The following MROH2B variants were observed in gnomAD, a reference collection of about 807,000 sequenced individuals.
MROH2B encodes the protein maestro heat like repeat family member 2B.
MROH2B carries 177 observed loss-of-function variants against 208.6 expected under a neutral mutation model. The ratio of observed to expected loss-of-function variants is 0.85; its 90% CI spans 0.75 to 0.96. The LOEUF is 0.96. Among genes scored for constraint, MROH2B ranks in the 40% least tolerant of loss-of-function variants. The probability of loss-of-function intolerance (pLI) is 0.00; values close to 1 mark genes in which losing one functional copy is unlikely to be tolerated. For synonymous variants in MROH2B, 728 were observed against 659.0 expected (o/e 1.10, Z -1.60); for missense variants, 2,002 against 1,878.7 (o/e 1.07, Z -1.21).
chr5:41,046,231 T>TAAAA (rs1196017786), intron 17 of MROH2B, among the ~76,000 whole-genome samples: 1 of 141,124 alleles, frequency 7.1e-6, no homozygotes, highest in African/African-American at 2.6e-5. Flanking sequence ...GATTACATAC[T>TAAAA]AAAAAAAAAA....
In MROH2B at chr5:41,057,063, C is replaced by T. The variant is rs764118718; in HGVS notation, c.919+46G>A. The T allele has an allele frequency of 2.2e-5, 35 of 1,582,456 alleles. No individual in the cohort carries two copies. The South Asian group carries it at 3.6e-4, about 16-fold the overall frequency. Reference sequence around the variant, plus strand: ...CTCCTTTTACCATTGTCATCATCATCACTTGGGGACATTTTTATTAAAAGC... The same window carrying T: ...CTCCTTTTACCATTGTCATCATCATTACTTGGGGACATTTTTATTAAAAGC... On this transcript the variant is annotated intron_variant, in intron 9 of 41. Coordinates refer to ENST00000399564, the MANE Select transcript of MROH2B (RefSeq NM_173489.5).
In MROH2B at chr5:41,040,878, A is replaced by T. The variant is rs1579940262; in HGVS notation, c.1953+1214T>A. ...GATGGGGTTTCACTATGTTAGCCAGACTGGTCTCGAACTCCTGACCTCGTG... is the reference window on the plus strand; with the variant it reads ...GATGGGGTTTCACTATGTTAGCCAGTCTGGTCTCGAACTCCTGACCTCGTG... On this transcript the variant is annotated intron_variant, in intron 19 of 41. Transcript: ENST00000399564. 3.3e-5 allele frequency among the ~76,000 whole-genome samples: 5 copies of T among 152,028 alleles called. 1 individual carries two copies. Among genetic ancestry groups the T allele is most frequent in the Admixed American group, 2.6e-4 (4 of 15,264 alleles).
Position 41,071,301 on chromosome 5 carries a change from C to G in MROH2B, c.-449G>C, listed in dbSNP as rs1400840985. On this transcript the variant is annotated 5_prime_UTR_variant, in exon 1 of 42. Transcript: ENST00000399564. ...ATGTTGGGAAAGGCTTTATGGTGAA[C>G]TCGTTGATTGTTACACTTAGTGAAA... 3.5e-5 allele frequency: 6 copies of G among 170,536 alleles called. No individual in the cohort carries two copies. The South Asian group carries it at 9.9e-4, about 28-fold the overall frequency. The allele number at this position is 170,536 out of a possible 1,614,324, so 10.6% of individuals were successfully genotyped here.
chr5:41,029,759 A>G (rs1742501479), intron 24 of MROH2B, among the ~76,000 whole-genome samples: 1 of 152,106 alleles, frequency 6.6e-6, no homozygotes, highest in Admixed American at 6.6e-5. Flanking sequence ...AAATAGACAA[A>G]TGGACTACTT....
In MROH2B at chr5:40,999,697, C is replaced by A. The variant is rs200489389; in HGVS notation, c.4565G>T (p.Ser1522Ile). ...FFTSTWEVIR[S>I]AAVKLTDAVV... Reference sequence around the variant, plus strand: ...CTCACCTGTGAGTTTGACAGCTGCACTCCTGATCACCTCCCAGGTGCTGGT... The same window carrying A: ...CTCACCTGTGAGTTTGACAGCTGCAATCCTGATCACCTCCCAGGTGCTGGT... Residue 1522 changes from serine to isoleucine, a missense_variant, in exon 40 of 42, where the codon AGT (serine) becomes ATT (isoleucine). Transcript: ENST00000399564. 6.2e-7 allele frequency: 1 copy of A among 1,613,158 alleles called. No individual in the cohort carries two copies. Among genetic ancestry groups the A allele is most frequent in the South Asian group, 1.1e-5 (1 of 90,948 alleles).
rs865966152 is a variant in MROH2B at position 41,017,949 on chromosome 5, C to A, written c.2785G>T (p.Gly929Cys). The A allele has an allele frequency of 1.9e-6, 3 of 1,577,676 alleles. No individual in the cohort carries two copies. Among genetic ancestry groups the A allele is most frequent in the East Asian group, 2.3e-5 (1 of 43,592 alleles). ...GGAGCCAGAAGTCCAAGCAGTGAACCAATTTTAAAGTTCTCTGGTGCCTGC... is the reference window on the plus strand; with the variant it reads ...GGAGCCAGAAGTCCAAGCAGTGAACAAATTTTAAAGTTCTCTGGTGCCTGC... ...DIEAPENFKI[G>C]SLLGLLAPHS... Residue 929 changes from glycine to cysteine, a missense_variant, in exon 28 of 42, where the codon GGT (glycine) becomes TGT (cysteine). By Grantham distance (159) the Gly-to-Cys change is radical. Transcript: ENST00000399564.
chr5:41,029,694 G>T lies in MROH2B; in HGVS notation c.2441+3048C>A, dbSNP rs546284918. ...CTCTAAGAAGAAAATACAGGGAAAAGCTTGAAGATCTTGAATTTGACAGTG... is the reference window on the plus strand; with the variant it reads ...CTCTAAGAAGAAAATACAGGGAAAATCTTGAAGATCTTGAATTTGACAGTG... On this transcript the variant is annotated intron_variant, in intron 24 of 41. Transcript: ENST00000399564. Among the ~76,000 whole-genome samples, 10 of 152,228 alleles carry T rather than the reference G, an allele frequency of 6.6e-5. No homozygotes were observed. The East Asian group carries it at 1.9e-3, about 29-fold the overall frequency.
intron 34 of MROH2B, 93 bp downstream of exon 34, chr5:41,007,221 T>C (rs141617396): frequency 1.6e-6 from 2 of 1,228,520 alleles, no homozygotes; most frequent in East Asian, 6.0e-5. Context: ...GTGAATCAAT[T>C]ATGCTCAGTG....
intron 26 of MROH2B, 59 bp downstream of exon 26, chr5:41,018,632 G>A (rs1742036541): frequency 1.3e-6 from 2 of 1,574,522 alleles, no homozygotes. Flanking sequence ...AGTTTGGAGT[G>A]GACATTGAAG....
intron 40 of MROH2B, among the ~76,000 whole-genome samples, chr5:40,999,127 G>T (rs2111777930): frequency 6.6e-6 from 1 of 152,320 alleles, no homozygotes; most frequent in South Asian, 2.1e-4. Context: ...GTAAGACTTA[G>T]AATTTCATGA....
intron 17 of MROH2B, 51 bp downstream of exon 17, chr5:41,047,670 A>G (rs1416702207): frequency 6.6e-7 from 1 of 1,506,418 alleles, no homozygotes; most frequent in African/African-American, 1.4e-5. Flanking sequence ...GGGTAACTTC[A>G]GCTGATTTCA....
At chr5:41,026,756 C>G (rs1356997241) in intron 24 of MROH2B, among the ~76,000 whole-genome samples, 1 of 152,170 alleles carries the variant, frequency 6.6e-6, no homozygotes, top group Non-Finnish European at 1.5e-5. Flanking sequence ...AAGAACAAAG[C>G]TGGAGGCATC....
intron 6 of MROH2B, 112 bp from the exon 7 acceptor site, chr5:41,058,315 C>A: frequency 1.9e-6 from 2 of 1,054,598 alleles, no homozygotes; most frequent in African/African-American, 1.6e-5. Context: ...CTGCTTTCAG[C>A]CAAGAAATAA....
Position 41,012,566 on chromosome 5 carries a change from A to G in MROH2B, c.3135+17T>C. ...GATAGAAATCTGTTCAGTTGTTAAA[A>G]CTGGCTATCAGTTCACCTGATCTTC... On this transcript the variant is annotated intron_variant, in intron 30 of 41. Coordinates refer to ENST00000399564, the MANE Select transcript of MROH2B (RefSeq NM_173489.5). The G allele has an allele frequency of 1.2e-6, 2 of 1,601,280 alleles. No individual in the cohort carries two copies. The highest frequency in any genetic ancestry group is 1.7e-6 in the Non-Finnish European group (2 of 1,175,838).
chr5:40,999,594 T>C (rs781745468), intron 40 of MROH2B, 83 bp downstream of exon 40: 1 of 1,143,394 alleles, frequency 8.7e-7, no homozygotes, highest in Non-Finnish European at 1.2e-6. Context: ...CTACTAGTGT[T>C]CATACTGGAC....
intron 38 of MROH2B, 22 bp from the exon 39 acceptor site, chr5:41,000,373 A>G: frequency 6.2e-7 from 1 of 1,612,402 alleles, no homozygotes; most frequent in Non-Finnish European, 8.5e-7. Context: ...AGTTTTCTGC[A>G]TCACAGTCCA....
intron 21 of MROH2B, among the ~76,000 whole-genome samples, chr5:41,036,219 G>A (rs557286375): frequency 6.6e-6 from 1 of 152,078 alleles, no homozygotes; most frequent in Non-Finnish European, 1.5e-5. Context: ...ATTCCCATAT[G>A]TTGTGGAAGG....
At chr5:41,033,523 C>T (rs1413105824) in intron 22 of MROH2B, among the ~76,000 whole-genome samples, 1 of 152,060 alleles carries the variant, frequency 6.6e-6, no homozygotes, top group Non-Finnish European at 1.5e-5. Context: ...TCTGTTGTTT[C>T]ACTAAAGAAT....
chr5:41,068,872 G>A (rs771248869), intron 2 of MROH2B, among the ~76,000 whole-genome samples: 3 of 152,172 alleles, frequency 2.0e-5, no homozygotes, highest in Non-Finnish European at 4.4e-5. Context: ...GATCCAATCA[G>A]AATCCCTGGT....
Sources: gnomAD v4.1 joint callset for allele counts (sites outside exome capture counted in the v4.1 genomes callset) on GRCh38, gnomAD v4.1.1 for gene constraint, MANE v1.5 for transcripts, NCBI Gene and HGNC (gene_info 2026-07-23, HGNC 2026-07-21) for gene names.